The following C8orf34 variants were observed in gnomAD, a reference collection of about 807,000 sequenced individuals.
C8orf34 encodes chromosome 8 open reading frame 34.
C8orf34 carries 65 observed loss-of-function variants against 68.3 expected under a neutral mutation model. The observed-to-expected ratio is 0.95, with a 90% CI of 0.78 to 1.17. The LOEUF (loss-of-function observed/expected upper bound fraction) is 1.17. C8orf34 is among the 50% of genes most tolerant of loss of function. The probability of loss-of-function intolerance (pLI) is 0.00; values close to 1 mark genes in which losing one functional copy is unlikely to be tolerated. For missense variants in C8orf34, 664 were observed against 655.4 expected, an observed-to-expected ratio of 1.01 and a Z score of -0.14; for synonymous variants, 244 against 241.2, an observed-to-expected ratio of 1.01 and a Z score of -0.11.
At chr8:68,382,550 A>G (rs1008750880) in intron 1 of C8orf34, among the ~76,000 whole-genome samples, 1 of 152,210 alleles carries the variant, frequency 6.6e-6, no homozygotes, top group Non-Finnish European at 1.5e-5. Context: ...AATGGGCCTT[A>G]GGTTCAGAAG....
At chr8:68,602,671 C>T (rs1244624657) in intron 7 of C8orf34, among the ~76,000 whole-genome samples, 4 of 152,098 alleles carry the variant, frequency 2.6e-5, no homozygotes, top group African/African-American at 9.7e-5. Context: ...AGAGTGGTGA[C>T]TAGCCTTGTC....
chr8:68,529,037 C>T (rs1019288029), intron 6 of C8orf34, among the ~76,000 whole-genome samples: 2 of 152,190 alleles, frequency 1.3e-5, no homozygotes, highest in Non-Finnish European at 2.9e-5. Flanking sequence ...TCATTCCCTG[C>T]ACCATTCCTT....
At chr8:68,412,190 A>G (rs1809472583) in intron 1 of C8orf34, among the ~76,000 whole-genome samples, 1 of 152,198 alleles carries the variant, frequency 6.6e-6, no homozygotes, top group African/African-American at 2.4e-5. Context: ...AGTAGCCGGA[A>G]CAGACTAAGA....
At chr8:68,668,409 T>C (rs976541686) in intron 8 of C8orf34, among the ~76,000 whole-genome samples, 11 of 152,158 alleles carry the variant, frequency 7.2e-5, no homozygotes, top group Admixed American at 2.0e-4. Flanking sequence ...AAAGCAGGAC[T>C]GGCACTAAAG....
intron 8 of C8orf34, among the ~76,000 whole-genome samples, chr8:68,699,569 A>T (rs941448791): frequency 6.6e-6 from 1 of 152,072 alleles, no homozygotes; most frequent in Non-Finnish European, 1.5e-5. Flanking sequence ...CATTCTGGTC[A>T]TATCTGCCTG....
chr8:68,534,977 A>G, intron 7 of C8orf34: 1 of 985,374 alleles, frequency 1.0e-6, no homozygotes. Context: ...AGATAGTTGA[A>G]GGTTTGGACT....
intron 1 of C8orf34, among the ~76,000 whole-genome samples, chr8:68,430,250 G>GT (rs1810398924): frequency 6.6e-6 from 1 of 152,202 alleles, no homozygotes; most frequent in Non-Finnish European, 1.5e-5. Context: ...TTCACATGCT[G>GT]TGAGGATGGT....
At chr8:68,810,220 G>A (rs533598640) in intron 12 of C8orf34, among the ~76,000 whole-genome samples, 1 of 152,322 alleles carries the variant, frequency 6.6e-6, no homozygotes, top group East Asian at 1.9e-4. Context: ...AGTAAGGGGT[G>A]CGTGAGTGAG....
At chr8:68,426,844 AG>A (rs1226427148) in intron 1 of C8orf34, among the ~76,000 whole-genome samples, 7 of 151,328 alleles carry the variant, frequency 4.6e-5, no homozygotes, top group African/African-American at 1.7e-4. Flanking sequence ...ACTCCAGCCT[AG>A]GCAACAAGAG....
intron 12 of C8orf34, among the ~76,000 whole-genome samples, chr8:68,811,555 G>A (rs1392583716): frequency 6.6e-6 from 1 of 152,208 alleles, no homozygotes; most frequent in Non-Finnish European, 1.5e-5. Flanking sequence ...CTTCGCAGCA[G>A]CCGCTCCAGA....
chr8:68,607,564 A>G (rs550566983), intron 7 of C8orf34, among the ~76,000 whole-genome samples: 1 of 152,274 alleles, frequency 6.6e-6, no homozygotes, highest in African/African-American at 2.4e-5. Context: ...ATACAGTCAC[A>G]TTCTAAGGTA....
chr8:68,487,677 C>G (rs1401821877), intron 4 of C8orf34, among the ~76,000 whole-genome samples: 2 of 152,168 alleles, frequency 1.3e-5, no homozygotes, highest in Non-Finnish European at 2.9e-5. Flanking sequence ...AAAATAGTAA[C>G]AGGCTAAATT....
chr8:68,341,159 G>C (rs1361393780), intron 1 of C8orf34, among the ~76,000 whole-genome samples: 2 of 152,170 alleles, frequency 1.3e-5, no homozygotes, highest in Non-Finnish European at 2.9e-5. Context: ...TGTCTGGTGA[G>C]GGCCCACTTT....
intron 1 of C8orf34, among the ~76,000 whole-genome samples, chr8:68,355,719 A>C (rs946352062): frequency 6.6e-6 from 1 of 152,242 alleles, no homozygotes; most frequent in South Asian, 2.1e-4. Flanking sequence ...GGCAGGGCAA[A>C]GTGTACGTGT....
chr8:68,344,563 A>T (rs994518225), intron 1 of C8orf34, among the ~76,000 whole-genome samples: 56 of 152,158 alleles, frequency 3.7e-4, no homozygotes, highest in African/African-American at 1.3e-3. Context: ...TAAAATGTAC[A>T]TGGGATTTCT....
At chr8:68,764,019 C>T (rs1176525413) in intron 10 of C8orf34, among the ~76,000 whole-genome samples, 3 of 152,164 alleles carry the variant, frequency 2.0e-5, no homozygotes, top group Admixed American at 6.5e-5. Flanking sequence ...CCTGCATTGG[C>T]CTCTTTCCTC....
intron 7 of C8orf34, among the ~76,000 whole-genome samples, chr8:68,622,456 A>G (rs76412070): frequency 7.1e-6 from 1 of 140,284 alleles, no homozygotes; most frequent in East Asian, 1.9e-4. Flanking sequence ...CTCTTAAAGG[A>G]AAAAAAAAAT....
intron 8 of C8orf34, among the ~76,000 whole-genome samples, chr8:68,670,138 GC>G (rs1819963010): frequency 6.6e-6 from 1 of 152,088 alleles, no homozygotes; most frequent in Non-Finnish European, 1.5e-5. Context: ...AGGTGACTTG[GC>G]ACTGTTTGGG....
chr8:68,546,073 TAAA>T (rs1229017547), intron 7 of C8orf34, among the ~76,000 whole-genome samples: 1 of 151,940 alleles, frequency 6.6e-6, no homozygotes, highest in South Asian at 2.1e-4. Flanking sequence ...TTAAAAATGT[TAAA>T]AAAAGTACAA....
Sources: gnomAD v4.1 joint callset for allele counts (sites outside exome capture counted in the v4.1 genomes callset) on GRCh38, gnomAD v4.1.1 for gene constraint, MANE v1.5 for transcripts, NCBI Gene and HGNC (gene_info 2026-07-23, HGNC 2026-07-21) for gene names.